Variants in SLMAP observed in about 807,000 individuals in gnomAD.
SLMAP encodes the protein sarcolemma associated protein.
In SLMAP, 44 loss-of-function variants were observed where a neutral mutation model predicts 128.8. The ratio of observed to expected loss-of-function variants is 0.34; its 90% CI spans 0.27 to 0.44. The LOEUF is 0.44. Among genes scored for constraint, SLMAP ranks in the 20% least tolerant of loss-of-function variants. SLMAP has a pLI of 1.00. For synonymous variants in SLMAP, 327 were observed against 348.8 expected (o/e 0.94, Z 0.70); for missense variants, 787 against 985.3 (o/e 0.80, Z 2.69).
rs146005104 is a variant in SLMAP at position 57,915,148 on chromosome 3, G to A, written c.2139-1758G>A. On this transcript the variant is annotated intron_variant, in intron 21 of 24. Coordinates refer to ENST00000671191, the MANE Select transcript of SLMAP (RefSeq NM_001377540.1). ...CTCCCTAAGTGCTGGGATTACAGGC[G>A]TAAGCCACTGCCCTCGGCCGAAAGT... is the stretch of plus-strand genomic sequence containing the variant. Among the ~76,000 whole-genome samples the A allele has an allele frequency of 7.6e-4, 115 of 152,270 alleles. 1 individual carries two copies. The highest frequency in any genetic ancestry group is 2.3e-3 in the African/African-American group (94 of 41,552).
At chr3:57,801,127 CCTT>C (rs2088228775) in intron 2 of SLMAP, 1 of 153,292 alleles carries the variant, frequency 6.5e-6, no homozygotes, top group Non-Finnish European at 1.5e-5. Context: ...TCCTTCCCCT[CCTT>C]CTCATCCCAG....
At position 57,896,859 on chromosome 3, in the gene SLMAP, T is replaced by C. The variant is rs770868377; in HGVS notation, c.1442-14T>C. On this transcript the variant is annotated splice_polypyrimidine_tract_variant and intron_variant, in intron 16 of 24. Transcript: ENST00000671191. ...CTGTCTGTAATTATATATGTATTTT[T>C]TTCCTCTCTGTAGACGCCCAAATGG... The C allele has an allele frequency of 2.5e-5, 40 of 1,588,610 alleles. No homozygotes were observed. The highest frequency in any genetic ancestry group is 1.8e-4 in the South Asian group (15 of 85,538).
intron 14 of SLMAP, among the ~76,000 whole-genome samples, chr3:57,877,103 G>A (rs1412175987): frequency 6.6e-6 from 1 of 151,736 alleles, no homozygotes; most frequent in African/African-American, 2.4e-5. Context: ...ATTATTATGA[G>A]ACTTAACTTT....
intron 10 of SLMAP, 30 bp downstream of exon 10, chr3:57,862,116 T>C (rs775218636): frequency 2.6e-6 from 4 of 1,522,972 alleles, no homozygotes; most frequent in Non-Finnish European, 3.6e-6. Context: ...GAAAGTATGT[T>C]AAGCTAATAA....
In SLMAP at chr3:57,864,666, C is replaced by T. The variant is rs768673218; in HGVS notation, c.1085C>T (p.Ala362Val). The T allele has an allele frequency of 6.3e-7, 1 of 1,597,590 alleles. No individual in the cohort carries two copies. Among genetic ancestry groups the T allele is most frequent in the Non-Finnish European group, 8.5e-7 (1 of 1,176,006 alleles). ...KEQELQAKIE[A>V]LQADNDFTNE... The stretch of plus-strand genomic sequence containing the variant: ...CAGGAGCTCCAGGCAAAAATAGAAG[C>T]TTTGCAAGCTGATAATGATTTCACC... The change falls in exon 11 of 25, where the codon GCT (alanine) becomes GTT (valine). Residue 362 changes from alanine (A) to valine (V), a missense_variant. Physicochemically the swap from Ala to Val is moderately conservative, Grantham distance 64. Transcript: ENST00000671191.
chr3:57,845,878 A>G (rs1412571176), intron 4 of SLMAP, among the ~76,000 whole-genome samples: 6 of 150,148 alleles, frequency 4.0e-5, no homozygotes, highest in Non-Finnish European at 5.9e-5. Context: ...GTCTTGCTCT[A>G]TTGCCCAGAC....
chr3:57,835,440 T>C (rs1284756203), intron 3 of SLMAP, among the ~76,000 whole-genome samples: 1 of 152,088 alleles, frequency 6.6e-6, no homozygotes, highest in Non-Finnish European at 1.5e-5. Flanking sequence ...GCCTTGTCTC[T>C]AAAAACAAAA....
chr3:57,762,551 G>A (rs928666023), intron 2 of SLMAP, among the ~76,000 whole-genome samples: 1 of 152,106 alleles, frequency 6.6e-6, no homozygotes, highest in African/African-American at 2.4e-5. Flanking sequence ...GTTGAAGGGT[G>A]ACAGGTTTGG....
intron 17 of SLMAP, among the ~76,000 whole-genome samples, chr3:57,906,285 GAATCA>G (rs2096538513): frequency 1.1e-5 from 1 of 89,488 alleles, no homozygotes. Context: ...GCTGAACCCA[GAATCA>G]AATTTTTTTC....
intron 3 of SLMAP, among the ~76,000 whole-genome samples, chr3:57,832,205 C>T (rs190493618): frequency 5.9e-5 from 9 of 152,232 alleles, no homozygotes; most frequent in East Asian, 3.9e-4. Context: ...TACTTAATCT[C>T]GTGAAAGGGA....
intron 17 of SLMAP, among the ~76,000 whole-genome samples, chr3:57,903,752 A>G (rs2096457641): frequency 6.6e-6 from 1 of 151,986 alleles, no homozygotes; most frequent in Non-Finnish European, 1.5e-5. Context: ...CAGATTTACA[A>G]CTTACATTAC....
chr3:57,880,011 G>A (rs539562131), intron 14 of SLMAP, among the ~76,000 whole-genome samples: 2 of 152,000 alleles, frequency 1.3e-5, no homozygotes, highest in South Asian at 4.2e-4. Context: ...GGGAGAGGAA[G>A]GGATTTTTAT....
intron 2 of SLMAP, among the ~76,000 whole-genome samples, chr3:57,780,974 A>G (rs963986770): frequency 3.3e-5 from 5 of 151,574 alleles, no homozygotes; most frequent in African/African-American, 1.2e-4. Flanking sequence ...AGATATATAC[A>G]TACACATATA....
At chr3:57,922,820 C>T in intron 22 of SLMAP, 69 bp from the exon 23 acceptor site, 1 of 1,452,024 alleles carries the variant, frequency 6.9e-7, no homozygotes, top group Non-Finnish European at 9.4e-7. Flanking sequence ...GCGTATAAAC[C>T]TGATTAGAAC....
intron 3 of SLMAP, among the ~76,000 whole-genome samples, chr3:57,838,176 T>C (rs116751617): frequency 6.6e-6 from 1 of 152,380 alleles, no homozygotes; most frequent in African/African-American, 2.4e-5. Context: ...AAAAACAACT[T>C]TCTACCAAAT....
At chr3:57,822,354 A>G (rs1314558117) in intron 2 of SLMAP, among the ~76,000 whole-genome samples, 2 of 151,966 alleles carry the variant, frequency 1.3e-5, no homozygotes, top group Non-Finnish European at 2.9e-5. Context: ...AGGTCGTGGC[A>G]CTCTGCTTAA....
intron 2 of SLMAP, among the ~76,000 whole-genome samples, chr3:57,829,858 A>T (rs1046042605): frequency 6.6e-6 from 1 of 152,200 alleles, no homozygotes; most frequent in Non-Finnish European, 1.5e-5. Context: ...GGGGTGAAGG[A>T]TAAATGAAAC....
At chr3:57,911,411 C>T (rs2096693612) in intron 19 of SLMAP, among the ~76,000 whole-genome samples, 1 of 152,198 alleles carries the variant, frequency 6.6e-6, no homozygotes, top group Admixed American at 6.5e-5. Context: ...TTTAAATCTA[C>T]AATTTCCTTA....
At chr3:57,924,145 C>G (rs552393256) in intron 23 of SLMAP, among the ~76,000 whole-genome samples, 1 of 152,156 alleles carries the variant, frequency 6.6e-6, no homozygotes, top group Non-Finnish European at 1.5e-5. Context: ...AATGGATCTC[C>G]CCATACTATT....
Sources: gnomAD v4.1 joint callset for allele counts (sites outside exome capture counted in the v4.1 genomes callset) on GRCh38, gnomAD v4.1.1 for gene constraint, MANE v1.5 for transcripts, NCBI Gene and HGNC (gene_info 2026-07-23, HGNC 2026-07-21) for gene names.